SPDYE21: variants seen among roughly 807,000 people sequenced by gnomAD.
SPDYE21 encodes speedy/RINGO cell cycle regulator family member E21.
SPDYE21 carries 14 observed loss-of-function variants against 36.2 expected under a neutral mutation model. The ratio of observed to expected loss-of-function variants is 0.39; its 90% CI spans 0.26 to 0.61. SPDYE21 has a LOEUF of 0.61. Among genes scored for constraint, SPDYE21 ranks in the 20% least tolerant of loss-of-function variants. SPDYE21 has a pLI of 0.55. For missense variants in SPDYE21, 233 were observed against 424.6 expected (o/e 0.55, Z 3.97); for synonymous variants, 58 against 155.1 (o/e 0.37, Z 4.65).
At chr7:67,277,298 AT>A (rs1301336322) in intron 1 of SPDYE21, among the ~76,000 whole-genome samples, 89 of 151,512 alleles carry the variant, frequency 5.9e-4, no homozygotes, top group Non-Finnish European at 1.0e-3. Context: ...ACCTCAAGTG[AT>A]CCACCCACTT....
At chr7:67,279,378 AC>A (rs1431519586) in intron 2 of SPDYE21, among the ~76,000 whole-genome samples, 9 of 146,932 alleles carry the variant, frequency 6.1e-5, no homozygotes, top group African/African-American at 2.3e-4. Context: ...ACATGGTGAA[AC>A]CCTGTCTCTA....
intron 2 of SPDYE21, among the ~76,000 whole-genome samples, chr7:67,279,593 C>T: frequency 6.6e-6 from 1 of 151,872 alleles, no homozygotes; most frequent in Non-Finnish European, 1.5e-5. Flanking sequence ...GAGCCAGGGA[C>T]CAGGGAAGGA....
Position 67,286,047 on chromosome 7 carries a change from C to T in SPDYE21, c.759C>T (p.Tyr253=), listed in dbSNP as rs1802725136. ...YQRIHFFLAL[Y]LANDMEEDDE... ...GCAACCTGATTTCTATCCTCAGCTA[C>T]CTGGCCAATGACATGGAGGAGGACG... The change falls in exon 7 of 9, where the codon TAC becomes TAT. Residue 253 remains tyrosine, a synonymous_variant. Transcript: ENST00000424157. 2 of 1,613,054 alleles carry T rather than the reference C, an allele frequency of 1.2e-6. No individual in the cohort carries two copies. Among genetic ancestry groups the T allele is most frequent in the South Asian group, 2.2e-5 (2 of 91,026 alleles).
At chr7:67,282,371 T>C (rs1340133543) in intron 4 of SPDYE21, among the ~76,000 whole-genome samples, 1 of 151,218 alleles carries the variant, frequency 6.6e-6, no homozygotes, top group Non-Finnish European at 1.5e-5. Flanking sequence ...CCTCCGTGTC[T>C]GCTGGAGGGG....
In SPDYE21 at chr7:67,286,344, C is replaced by A. The variant is rs1242608871; in HGVS notation, c.1056C>A (p.Asn352Lys). The A allele has an allele frequency of 7.4e-6, 12 of 1,613,836 alleles. No individual in the cohort carries two copies. Residue 352 changes from asparagine to lysine, a missense_variant, in exon 7 of 9, where the codon AAC becomes AAA. Coordinates refer to ENST00000424157, the MANE Select transcript of SPDYE21 (RefSeq NM_001382715.2). ...GCATGAACCCGAGGGCCAGGAAGAA[C>A]CGCTCTCAGATAGTCCTGTTCCAGA... ...RRCMNPRARK[N>K]RSQIVLFQKL...
rs534230308 is a variant in SPDYE21 at position 67,286,013 on chromosome 7, C to A, written c.756-31C>A. ...AGCCGGAGGCCTCTCCTGGTGGTGC[C>A]CCTGAGCAGCAACCTGATTTCTATC... On this transcript the variant is annotated intron_variant, in intron 6 of 8. Coordinates refer to ENST00000424157, the MANE Select transcript of SPDYE21 (RefSeq NM_001382715.2). 3 of 1,612,252 alleles carry A rather than the reference C, an allele frequency of 1.9e-6. No homozygotes were observed. In the East Asian group the frequency reaches 6.7e-5, roughly 36 times the overall value.
rs999006786 is a variant in SPDYE21, at chr7:67,286,375, C to T, written c.1087C>T (p.Arg363Trp). Residue 363 changes from arginine (R) to tryptophan (W), a missense_variant, in exon 7 of 9, where the codon CGG becomes TGG. Transcript: ENST00000424157. ...TCAGATAGTCCTGTTCCAGAAACTT[C>T]GGTTCCAGTTCTTCTGTTCCATGAG... ...RSQIVLFQKLRFQFFCSMSGR... is the reference protein window; with the variant it reads ...RSQIVLFQKLWFQFFCSMSGR... 191 of 1,613,698 alleles carry T rather than the reference C, an allele frequency of 1.2e-4. No homozygotes were observed. The highest frequency in any genetic ancestry group is 1.7e-4 in the Middle Eastern group (1 of 5,812).
chr7:67,288,368 C>T lies in SPDYE21; in HGVS notation c.*896C>T, dbSNP rs1414807685. Among the ~76,000 whole-genome samples the T allele has an allele frequency of 1.4e-5, 2 of 147,100 alleles. No individual in the cohort carries two copies. Among genetic ancestry groups the T allele is most frequent in the Non-Finnish European group, 3.0e-5 (2 of 66,294 alleles). The stretch of plus-strand genomic sequence containing the variant: ...AATTCAGTTGTGATTTTTAACATGT[C>T]TCAGATATATATACTAACACGTCTA... On this transcript the variant is annotated 3_prime_UTR_variant, in exon 9 of 9. Transcript: ENST00000424157.
rs1244871422 is a variant in SPDYE21, at chr7:67,282,723, G to A, written c.669+30G>A. Reference sequence around the variant, plus strand: ...GGTTGTTCTCCATGTAACTGTTCCTGTTCCAACACATGGCTGGGGGGAGGG... The same window carrying A: ...GGTTGTTCTCCATGTAACTGTTCCTATTCCAACACATGGCTGGGGGGAGGG... On this transcript the variant is annotated intron_variant, in intron 5 of 8. Transcript: ENST00000424157. 1.3e-5 allele frequency: 14 copies of A among 1,062,642 alleles called. 4 individuals carry two copies. The highest frequency in any genetic ancestry group is 1.4e-5 in the Non-Finnish European group (11 of 779,734). 65.8% of individuals were successfully genotyped at this position (1,062,642 alleles called of 1,614,324 possible).
rs1802581369 is a variant in SPDYE21, at chr7:67,278,770, G to A, written c.57G>A (p.Thr19=). Among the ~76,000 whole-genome samples the A allele has an allele frequency of 6.6e-6, 1 of 151,894 alleles. No homozygotes were observed. The highest frequency in any genetic ancestry group is 2.1e-4 in the South Asian group (1 of 4,810). ...RKRGQITGKI[T]TSRQLHPQNE... ...GGGGACAGATTACGGGAAAGATCAC[G>A]ACCAGCCGTCAACTGCACCCCCAGA... Residue 19 remains threonine, a synonymous_variant, in exon 2 of 9, where the codon ACG becomes ACA. Transcript: ENST00000424157.
chr7:67,279,197 A>G (rs1464968864), intron 2 of SPDYE21, among the ~76,000 whole-genome samples: 1 of 149,478 alleles, frequency 6.7e-6, no homozygotes, highest in African/African-American at 2.5e-5. Flanking sequence ...AAAAAAAAAA[A>G]GAAAAAAGAA....
intron 4 of SPDYE21, 36 bp from the exon 5 acceptor site, chr7:67,282,599 C>T: frequency 6.3e-7 from 1 of 1,592,116 alleles, no homozygotes; most frequent in Non-Finnish European, 8.5e-7. Context: ...AAACCCTGTC[C>T]TGCTTCTCAC....
rs973836133 is a variant in SPDYE21, at chr7:67,287,784, T to A, written c.*312T>A. 1.3e-5 allele frequency among the ~76,000 whole-genome samples: 2 copies of A among 152,008 alleles called. No individual in the cohort carries two copies. The highest frequency in any genetic ancestry group is 4.8e-5 in the African/African-American group (2 of 41,390). ...ACCCTTTCCTGCGGCACCACCACCC[T>A]TTTTATATTGCTGAATTCCAACCTC... is the stretch of plus-strand genomic sequence containing the variant. On this transcript the variant is annotated 3_prime_UTR_variant, in exon 9 of 9. Coordinates refer to ENST00000424157, the MANE Select transcript of SPDYE21 (RefSeq NM_001382715.2).
At position 67,288,388 on chromosome 7, in the gene SPDYE21, C is replaced by T. The variant is rs1384201371; in HGVS notation, c.*916C>T. ...CATGTCTCAGATATATATACTAACA[C>T]GTCTAATATATACTATCTATTTTAT... On this transcript the variant is annotated 3_prime_UTR_variant, in exon 9 of 9. Transcript: ENST00000424157. Among the ~76,000 whole-genome samples, 229 of 127,692 alleles carry T rather than the reference C, an allele frequency of 1.8e-3. No individual in the cohort carries two copies. The highest frequency in any genetic ancestry group is 4.2e-3 in the South Asian group (17 of 4,002). The allele number at this position is 127,692 out of a possible 152,430, so 83.8% of individuals were successfully genotyped here.
At chr7:67,280,992 G>A (rs1299246824) in intron 3 of SPDYE21, among the ~76,000 whole-genome samples, 8 of 144,222 alleles carry the variant, frequency 5.5e-5, no homozygotes, top group African/African-American at 1.5e-4. Flanking sequence ...TTAGGCAGGA[G>A]AATCACTGGA....
At chr7:67,285,722 T>A (rs1190381656) in intron 6 of SPDYE21, among the ~76,000 whole-genome samples, 1 of 152,200 alleles carries the variant, frequency 6.6e-6, no homozygotes, top group Non-Finnish European at 1.5e-5. Flanking sequence ...GACGAGGGTC[T>A]TGCTATGTTG....
At position 67,286,639 on chromosome 7, in the gene SPDYE21, G is replaced by C. The variant is rs984336036; in HGVS notation, c.*20G>C. ...TCCTAGAGCTCCAGGGACCGTGGAG[G>C]CCTGAGGTCATCGGCCTGAGAGAAG... On this transcript the variant is annotated 3_prime_UTR_variant, in exon 8 of 9. Transcript: ENST00000424157. Among the ~76,000 whole-genome samples the C allele has an allele frequency of 2.0e-5, 3 of 152,070 alleles. No homozygotes were observed. Among genetic ancestry groups the C allele is most frequent in the African/African-American group, 7.2e-5 (3 of 41,414 alleles).
intron 5 of SPDYE21, among the ~76,000 whole-genome samples, chr7:67,283,217 T>C (rs2116510037): frequency 6.7e-6 from 1 of 148,810 alleles, no homozygotes; most frequent in East Asian, 2.0e-4. Flanking sequence ...CATTGCAGCC[T>C]CTAATTCCTG....
rs1346901955 is a variant in SPDYE21 at position 67,287,628 on chromosome 7, C to A, written c.*156C>A. 6.9e-6 allele frequency among the ~76,000 whole-genome samples: 1 copy of A among 144,524 alleles called. No individual in the cohort carries two copies. Among genetic ancestry groups the A allele is most frequent in the Non-Finnish European group, 1.5e-5 (1 of 66,866 alleles). The allele number at this position is 144,524 out of a possible 152,430, so 94.8% of individuals were successfully genotyped here. On this transcript the variant is annotated 3_prime_UTR_variant, in exon 9 of 9. Transcript: ENST00000424157. The stretch of plus-strand genomic sequence containing the variant: ...CATTTGTGCAGATCATCTAGAAGAA[C>A]CTGGACCATTCTTGATGGAGCTGAA...
Sources: allele counts gnomAD v4.1 joint callset (sites outside exome capture counted in the v4.1 genomes callset), GRCh38; gene constraint gnomAD v4.1.1; transcripts MANE v1.5; gene names NCBI Gene and HGNC (gene_info 2026-07-23, HGNC 2026-07-21).